Variants in SEC63 observed in about 807,000 individuals in gnomAD.
SEC63 encodes translocation protein SEC63 homolog.
SEC63 carries 56 observed loss-of-function variants against 116.2 expected under a neutral mutation model. The observed-to-expected ratio is 0.48, with a 90% CI of 0.39 to 0.60. The LOEUF (loss-of-function observed/expected upper bound fraction) is 0.60, where lower values mean the gene tolerates loss of function less well. SEC63 is among the 20% of genes least tolerant of loss of function. The probability of loss-of-function intolerance (pLI) is 0.00; values close to 1 mark genes in which losing one functional copy is unlikely to be tolerated. For missense variants in SEC63, 668 were observed against 900.0 expected, an observed-to-expected ratio of 0.74 and a Z score of 3.30; for synonymous variants, 273 against 294.6, an observed-to-expected ratio of 0.93 and a Z score of 0.75.
chr6:107,958,135 C>T lies in SEC63; in HGVS notation c.-126G>A. The stretch of plus-strand genomic sequence containing the variant: ...CTGCCGCCGCCGCCTCTCCTCCCCG[C>T]CCCCACGCCACTCTCACGGACACGC... On this transcript the variant is annotated 5_prime_UTR_variant, in exon 1 of 21. Coordinates refer to ENST00000369002, the MANE Select transcript of SEC63 (RefSeq NM_007214.5). 1 of 1,440,830 alleles carries T rather than the reference C, an allele frequency of 6.9e-7. No individual in the cohort carries two copies. Among genetic ancestry groups the T allele is most frequent in the East Asian group, 2.4e-5 (1 of 42,532 alleles). The allele number at this position is 1,440,830 out of a possible 1,614,324, so 89.3% of individuals were successfully genotyped here.
chr6:107,889,736 C>T (rs1244210639), intron 16 of SEC63, among the ~76,000 whole-genome samples: 1 of 152,206 alleles, frequency 6.6e-6, no homozygotes, highest in Non-Finnish European at 1.5e-5. Flanking sequence ...AAATTTCCCT[C>T]TACACACTGC....
intron 2 of SEC63, among the ~76,000 whole-genome samples, chr6:107,927,306 T>C (rs1003001824): frequency 6.6e-5 from 10 of 152,074 alleles, no homozygotes; most frequent in African/African-American, 2.4e-4. Context: ...CCTCAGGGGA[T>C]CCGCCCACCT....
Position 107,876,592 on chromosome 6 carries a change from T to C in SEC63, c.2006A>G (p.His669Arg). The change falls in exon 19 of 21, where the codon CAT (histidine) becomes CGT (arginine). Residue 669 changes from histidine (H) to arginine (R), a missense_variant. His to Arg is a conservative substitution (Grantham distance 29). Around this residue, in one of 5 missense-constraint regions of SEC63, gnomAD observed 85 missense variants for 116.3 expected, o/e 0.73. Transcript: ENST00000369002. ...CTCTGTATCTTTCAGCGTACACACA[T>C]GATATGGCATGGATATTAATGTCTG... ...KEQTLISMPY[H>R]VCTLKDTEEV... The C allele has an allele frequency of 1.2e-6, 2 of 1,602,804 alleles. No homozygotes were observed. The highest frequency in any genetic ancestry group is 1.7e-6 in the Non-Finnish European group (2 of 1,175,556).
intron 1 of SEC63, among the ~76,000 whole-genome samples, chr6:107,939,559 C>T (rs1164635881): frequency 6.6e-6 from 1 of 152,068 alleles, no homozygotes; most frequent in Admixed American, 6.6e-5. Flanking sequence ...CAAGACCAGC[C>T]TGGCCAACAT....
chr6:107,941,652 G>A (rs572175064), intron 1 of SEC63, among the ~76,000 whole-genome samples: 2 of 152,328 alleles, frequency 1.3e-5, no homozygotes, highest in African/African-American at 4.8e-5. Flanking sequence ...AAAAGCAAAG[G>A]AGACAGGAGA....
chr6:107,924,897 A>G lies in SEC63; in HGVS notation c.260T>C (p.Leu87Ser). ...TTTGGAAACTTTATATGCAAGGAAT[A>G]AGAACAATGCCCATCCTGCAAGCAG... The part of the protein sequence containing the change: ...IVLLAGWALF[L>S]FLAYKVSKTD... The change falls in exon 3 of 21, where the codon TTA becomes TCA. Residue 87 changes from leucine (L) to serine (S), a missense_variant. Physicochemically the swap from Leu to Ser is moderately radical, Grantham distance 145. Transcript: ENST00000369002. 3 of 1,602,570 alleles carry G rather than the reference A, an allele frequency of 1.9e-6. No homozygotes were observed. Among genetic ancestry groups the G allele is most frequent in the Non-Finnish European group, 2.6e-6 (3 of 1,169,688 alleles).
chr6:107,945,591 A>C (rs1770466504), intron 1 of SEC63, among the ~76,000 whole-genome samples: 1 of 152,048 alleles, frequency 6.6e-6, no homozygotes. Flanking sequence ...GGCGTGAGCC[A>C]CCGAGCCCAG....
In SEC63 at chr6:107,920,239, T is replaced by C. The variant is rs140703719; in HGVS notation, c.452+1558A>G. ...GAAATCGAGACCATCCTGGCTAACATGGTAAAACCCCATCTCTGCTAAAAA... is the reference window on the plus strand; with the variant it reads ...GAAATCGAGACCATCCTGGCTAACACGGTAAAACCCCATCTCTGCTAAAAA... On this transcript the variant is annotated intron_variant, in intron 4 of 20. Transcript: ENST00000369002. Among the ~76,000 whole-genome samples the C allele has an allele frequency of 9.4e-4, 143 of 151,914 alleles. 2 individuals carry two copies. The highest frequency in any genetic ancestry group is 3.4e-3 in the African/African-American group (140 of 41,442).
At chr6:107,888,185 G>A (rs1193774135) in intron 16 of SEC63, among the ~76,000 whole-genome samples, 1 of 152,202 alleles carries the variant, frequency 6.6e-6, no homozygotes, top group Non-Finnish European at 1.5e-5. Flanking sequence ...ACTTTGGGGA[G>A]TGTGGCCATT....
chr6:107,940,428 G>A (rs1484171303), intron 1 of SEC63, among the ~76,000 whole-genome samples: 1 of 152,032 alleles, frequency 6.6e-6, no homozygotes, highest in Non-Finnish European at 1.5e-5. Flanking sequence ...TTCAACATCA[G>A]CACTACTGAC....
At chr6:107,953,177 T>G (rs1770615029) in intron 1 of SEC63, among the ~76,000 whole-genome samples, 1 of 152,160 alleles carries the variant, frequency 6.6e-6, no homozygotes, top group African/African-American at 2.4e-5. Context: ...CGAGAATCGT[T>G]TGAACACGGG....
intron 4 of SEC63, among the ~76,000 whole-genome samples, chr6:107,920,397 G>C (rs1027173385): frequency 8.2e-6 from 1 of 121,334 alleles, no homozygotes; most frequent in African/African-American, 3.2e-5. Flanking sequence ...CTGCAGTCCA[G>C]CCTGGGCGAA....
chr6:107,957,611 A>G (rs1770735851), intron 1 of SEC63: 1 of 276,278 alleles, frequency 3.6e-6, no homozygotes, highest in East Asian at 6.6e-5. Flanking sequence ...GGCAGAGAAG[A>G]CAAAGAGGCA....
intron 4 of SEC63, among the ~76,000 whole-genome samples, chr6:107,919,848 A>T (rs1787512161): frequency 6.6e-6 from 1 of 152,070 alleles, no homozygotes; most frequent in Non-Finnish European, 1.5e-5. Flanking sequence ...AAGAAAACAA[A>T]GAAGTTCTGT....
rs1170157396 is a variant in SEC63 at position 107,869,488 on chromosome 6, G to C, written c.*2216C>G. The C allele has an allele frequency of 6.6e-6, 1 of 152,050 alleles. No homozygotes were observed. Among genetic ancestry groups the C allele is most frequent in the Non-Finnish European group, 1.5e-5 (1 of 68,014 alleles). The allele number at this position is 152,050 out of a possible 1,614,324, so 9.4% of individuals were successfully genotyped here. ...TTGACAAAATGTCAGTTTCTTTATA[G>C]GAAGAAAATTGAAACTTTGCTCAAG... On this transcript the variant is annotated 3_prime_UTR_variant, in exon 21 of 21. Transcript: ENST00000369002.
intron 3 of SEC63, 92 bp downstream of exon 3, chr6:107,924,726 T>C (rs1251097282): frequency 5.6e-6 from 4 of 713,038 alleles, no homozygotes; most frequent in Non-Finnish European, 1.0e-5. Flanking sequence ...GTCTGATTTC[T>C]ATAGGAATAG....
rs1172315913 is a variant in SEC63, at chr6:107,868,684, A to C, written c.*3020T>G. 2 of 152,110 alleles carry C rather than the reference A, an allele frequency of 1.3e-5. No homozygotes were observed. Among genetic ancestry groups the C allele is most frequent in the Non-Finnish European group, 2.9e-5 (2 of 67,998 alleles). The allele number at this position is 152,110 out of a possible 1,614,324, so 9.4% of individuals were successfully genotyped here. On this transcript the variant is annotated 3_prime_UTR_variant, in exon 21 of 21. Coordinates refer to ENST00000369002, the MANE Select transcript of SEC63 (RefSeq NM_007214.5). ...ACAGTAGATAGACTAAAAAAAAAAAAAGGCATTCCAAATAATAGCCAAGGC... is the reference window on the plus strand; with the variant it reads ...ACAGTAGATAGACTAAAAAAAAAAACAGGCATTCCAAATAATAGCCAAGGC...
In SEC63 at chr6:107,906,593, A is replaced by C. The variant is rs767491923; in HGVS notation, c.829-13T>G. ...TTTCTCTGATTAGCTAGAATAAATA[A>C]AATAATTATTCAAAAACACGCTTTT... On this transcript the variant is annotated splice_polypyrimidine_tract_variant and intron_variant, in intron 9 of 20. Transcript: ENST00000369002. The C allele has an allele frequency of 1.2e-6, 2 of 1,609,716 alleles. No individual in the cohort carries two copies. Among genetic ancestry groups the C allele is most frequent in the Non-Finnish European group, 1.7e-6 (2 of 1,176,304 alleles).
At chr6:107,905,602 T>C (rs1397610942) in intron 10 of SEC63, among the ~76,000 whole-genome samples, 1 of 152,218 alleles carries the variant, frequency 6.6e-6, no homozygotes, top group Non-Finnish European at 1.5e-5. Context: ...GCAGAATACA[T>C]GGCTTCAAGT....
Sources: allele counts gnomAD v4.1 joint callset (sites outside exome capture counted in the v4.1 genomes callset), GRCh38; gene constraint gnomAD v4.1.1; regional missense constraint gnomAD v4.1.1; transcripts MANE v1.5; gene names NCBI Gene and HGNC (gene_info 2026-07-23, HGNC 2026-07-21).